Variants in RASEF observed in about 807,000 individuals in gnomAD.
The protein encoded by RASEF is ras and EF-hand domain-containing protein.
Under a neutral mutation model 90.1 loss-of-function variants are expected in RASEF, and 68 were observed. The ratio of observed to expected loss-of-function variants is 0.75; its 90% CI spans 0.62 to 0.92. RASEF has a LOEUF of 0.92. RASEF is among the 40% of genes least tolerant of loss of function. The pLI, the probability that RASEF is intolerant of heterozygous loss-of-function variation, is 0.00. For missense variants in RASEF, 949 were observed against 937.2 expected, an observed-to-expected ratio of 1.01 and a Z score of -0.16; for synonymous variants, 331 against 345.2, an observed-to-expected ratio of 0.96 and a Z score of 0.46.
intron 1 of RASEF, among the ~76,000 whole-genome samples, chr9:83,035,612 C>T (rs1024775956): frequency 2.6e-5 from 4 of 152,158 alleles, no homozygotes; most frequent in Non-Finnish European, 4.4e-5. Context: ...TTGCAGTGCA[C>T]ATTTGCTCTC....
the RASEF span, among the ~76,000 whole-genome samples, chr9:83,119,438 G>C: frequency 8.5e-5 from 13 of 152,208 alleles, no homozygotes; most frequent in South Asian, 2.7e-3. Context: ...CTTTATCAGA[G>C]GACCCTTAAT....
At chr9:83,077,396 T>C in the RASEF span, among the ~76,000 whole-genome samples, 2 of 152,198 alleles carry the variant, frequency 1.3e-5, no homozygotes. Context: ...GAAAAAGTTA[T>C]TAGAATCGGT....
At chr9:83,093,524 G>A in the RASEF span, among the ~76,000 whole-genome samples, 562 of 152,350 alleles carry the variant, frequency 3.7e-3, 1 homozygote, top group Non-Finnish European at 5.9e-3. Flanking sequence ...TACACCCTCC[G>A]CAGCTGCTGG....
At chr9:83,016,293 A>T (rs559910472) in intron 3 of RASEF, among the ~76,000 whole-genome samples, 2 of 152,234 alleles carry the variant, frequency 1.3e-5, no homozygotes, top group Admixed American at 1.3e-4. Flanking sequence ...ATCCTGGGTG[A>T]ACCCTTTTCC....
the RASEF span, among the ~76,000 whole-genome samples, chr9:83,079,014 C>T: frequency 6.6e-6 from 1 of 152,018 alleles, no homozygotes; most frequent in Non-Finnish European, 1.5e-5. Flanking sequence ...TCTGTTGTTT[C>T]CTCTGTTGTT....
the RASEF span, among the ~76,000 whole-genome samples, chr9:83,152,729 C>T: frequency 2.2e-5 from 2 of 90,888 alleles, no homozygotes; most frequent in Admixed American, 1.2e-4. Flanking sequence ...TGCGCACAGA[C>T]ACACATACAC....
the RASEF span, among the ~76,000 whole-genome samples, chr9:83,122,993 A>G: frequency 2.3e-3 from 357 of 152,010 alleles, 4 homozygotes; most frequent in Non-Finnish European, 4.3e-3. Context: ...TAATCCCAAC[A>G]CTTTGGCAGG....
At chr9:83,081,813 TCTC>T in the RASEF span, among the ~76,000 whole-genome samples, 1 of 152,110 alleles carries the variant, frequency 6.6e-6, no homozygotes, top group African/African-American at 2.4e-5. Context: ...CATGATCACC[TCTC>T]CATAAATAAG....
the RASEF span, among the ~76,000 whole-genome samples, chr9:83,153,340 AAC>A: frequency 6.6e-6 from 1 of 152,106 alleles, no homozygotes; most frequent in African/African-American, 2.4e-5. Flanking sequence ...TATCTGATTA[AAC>A]ACACTTTTTC....
At chr9:83,161,011 G>T in the RASEF span, among the ~76,000 whole-genome samples, 1 of 152,194 alleles carries the variant, frequency 6.6e-6, no homozygotes, top group Non-Finnish European at 1.5e-5. Context: ...GGACTTGCCT[G>T]AATGCACAGG....
At chr9:83,214,165 G>A in the RASEF span, among the ~76,000 whole-genome samples, 24 of 152,150 alleles carry the variant, frequency 1.6e-4, no homozygotes, top group African/African-American at 5.8e-4. Context: ...AGGCTGAGGT[G>A]GGCTGATCAC....
At chr9:83,218,352 T>C in the RASEF span, among the ~76,000 whole-genome samples, 1 of 152,078 alleles carries the variant, frequency 6.6e-6, no homozygotes, top group African/African-American at 2.4e-5. Flanking sequence ...CCCTCCCTCA[T>C]CCTCACTAAC....
chr9:83,110,291 T>C, the RASEF span, among the ~76,000 whole-genome samples: 83 of 152,248 alleles, frequency 5.5e-4, no homozygotes, highest in African/African-American at 1.9e-3. Flanking sequence ...GAACAAACTT[T>C]CCTAGTGGTT....
chr9:83,015,987 A>G (rs1829336702), intron 3 of RASEF, 87 bp from the exon 4 acceptor site: 1 of 970,760 alleles, frequency 1.0e-6, no homozygotes, highest in Non-Finnish European at 1.6e-6. Flanking sequence ...ATTTTGTGTC[A>G]AATTAAGGCT....
chr9:83,073,388 ACC>A, the RASEF span, among the ~76,000 whole-genome samples: 2 of 150,630 alleles, frequency 1.3e-5, no homozygotes, highest in Non-Finnish European at 3.0e-5. Flanking sequence ...CCCACCTTCT[ACC>A]CCACCCCTCC....
the RASEF span, among the ~76,000 whole-genome samples, chr9:83,168,313 T>A: frequency 1.3e-5 from 2 of 152,180 alleles, no homozygotes; most frequent in African/African-American, 2.4e-5. Context: ...TGTGGAGCAA[T>A]GTCTATCCAG....
chr9:83,144,326 G>GAAAGGAAAGAAAGAAAGAAAGAAA, the RASEF span, among the ~76,000 whole-genome samples: 1 of 39,436 alleles, frequency 2.5e-5, no homozygotes, highest in Non-Finnish European at 5.0e-5. Flanking sequence ...AAAGAAAGAA[G>GAAAGGAAAGAAAGAAAGAAAGAAA]GAAAGAAAGA....
At chr9:83,198,211 T>C in the RASEF span, among the ~76,000 whole-genome samples, 94 of 152,314 alleles carry the variant, frequency 6.2e-4, no homozygotes, top group African/African-American at 2.2e-3. Flanking sequence ...ACATATAATT[T>C]AGAAATAAGA....
the RASEF span, among the ~76,000 whole-genome samples, chr9:83,181,701 T>G: frequency 6.6e-6 from 1 of 152,216 alleles, no homozygotes; most frequent in Non-Finnish European, 1.5e-5. Flanking sequence ...TGCCTTTATC[T>G]TTCTATCTCA....
Sources: gnomAD v4.1 joint callset for allele counts (sites outside exome capture counted in the v4.1 genomes callset) on GRCh38, gnomAD v4.1.1 for gene constraint, MANE v1.5 for transcripts, NCBI Gene and HGNC (gene_info 2026-07-23, HGNC 2026-07-21) for gene names.